UGT1A7: variants seen among roughly 807,000 people sequenced by gnomAD.
UGT1A7 encodes UDP glucuronosyltransferase family 1 member A7, also known as UDP-glucuronosyltransferase 1A7.
In UGT1A7, 33 loss-of-function variants were observed where a neutral mutation model predicts 45.6. The observed-to-expected ratio is 0.72, with a 90% CI of 0.55 to 0.97. The LOEUF (loss-of-function observed/expected upper bound fraction) is 0.97, where lower values mean the gene tolerates loss of function less well. UGT1A7 is among the 50% of genes least tolerant of loss of function. UGT1A7 has a pLI of 0.00. For missense variants in UGT1A7, 684 were observed against 666.2 expected (o/e 1.03, Z -0.29); for synonymous variants, 274 against 250.6 (o/e 1.09, Z -0.88).
At chr2:233,766,576 G>A (rs983735374) in intron 1 of UGT1A7, among the ~76,000 whole-genome samples, 1 of 152,162 alleles carries the variant, frequency 6.6e-6, no homozygotes, top group Non-Finnish European at 1.5e-5. Flanking sequence ...GCACAGGTCT[G>A]GGGGTGGAGC....
intron 1 of UGT1A7, among the ~76,000 whole-genome samples, chr2:233,705,007 G>A (rs2075816854): frequency 6.6e-6 from 1 of 152,012 alleles, no homozygotes; most frequent in South Asian, 2.1e-4. Flanking sequence ...ATGGTGGCAG[G>A]CGCCTGTAAT....
chr2:233,687,583 TAAAAAAAAAAAAAAA>T (rs71398794), intron 1 of UGT1A7, among the ~76,000 whole-genome samples: 8 of 107,454 alleles, frequency 7.4e-5, no homozygotes, highest in Non-Finnish European at 5.7e-5. Flanking sequence ...ACATTCTTTG[TAAAAAAAAAAAAAAA>T]AAAAAAAAAG....
At chr2:233,701,905 A>G (rs2075659250) in intron 1 of UGT1A7, among the ~76,000 whole-genome samples, 1 of 152,218 alleles carries the variant, frequency 6.6e-6, no homozygotes, top group Non-Finnish European at 1.5e-5. Flanking sequence ...AAGATCTAAA[A>G]TTGACACCCT....
intron 1 of UGT1A7, among the ~76,000 whole-genome samples, chr2:233,683,740 T>C (rs776869819): frequency 5.3e-5 from 8 of 152,254 alleles, no homozygotes; most frequent in Non-Finnish European, 1.0e-4. Flanking sequence ...CCCATTTCTC[T>C]TTTGAATTCA....
chr2:233,720,006 T>C (rs1403033451), intron 1 of UGT1A7, among the ~76,000 whole-genome samples: 1 of 152,190 alleles, frequency 6.6e-6, no homozygotes, highest in Non-Finnish European at 1.5e-5. Context: ...CATTCAGAAC[T>C]GATCCATCCT....
intron 1 of UGT1A7, chr2:233,712,960 T>C (rs759299238): frequency 6.2e-7 from 1 of 1,612,820 alleles, no homozygotes; most frequent in Non-Finnish European, 8.5e-7. Context: ...CAACGTGGGG[T>C]GGACAGTCAG....
At chr2:233,749,888 T>C (rs1316797004) in intron 1 of UGT1A7, among the ~76,000 whole-genome samples, 2 of 151,790 alleles carry the variant, frequency 1.3e-5, no homozygotes. Flanking sequence ...TTCCTGAGGC[T>C]CCCCCCTCCA....
intron 1 of UGT1A7, among the ~76,000 whole-genome samples, chr2:233,720,213 A>G (rs1171832820): frequency 6.6e-6 from 1 of 152,188 alleles, no homozygotes; most frequent in East Asian, 1.9e-4. Flanking sequence ...GGTGGGATGG[A>G]TGCATGTGAT....
At chr2:233,729,450 G>A (rs1394250627) in intron 1 of UGT1A7, 1 of 1,614,082 alleles carries the variant, frequency 6.2e-7, no homozygotes, top group Admixed American at 1.7e-5. Flanking sequence ...ATTTTCTGAA[G>A]AAATTTTTCA....
chr2:233,751,728 CCTCT>C (rs1694798514), intron 1 of UGT1A7, among the ~76,000 whole-genome samples: 2 of 152,164 alleles, frequency 1.3e-5, no homozygotes, highest in South Asian at 2.1e-4. Flanking sequence ...GTGAACTCTT[CCTCT>C]CTGTTTCTCT....
rs773957041 is a variant in UGT1A7 at position 233,772,325 on chromosome 2, C to G, written c.1359C>G (p.Asp453Glu). Residue 453 changes from aspartate to glutamate, a missense_variant, in exon 5 of 5, where the codon GAC becomes GAG. Coordinates refer to ENST00000373426, the MANE Select transcript of UGT1A7 (RefSeq NM_019077.3). ...AGGACCGCCCGGTGGAGCCGCTGGACCTGGCCGTGTTCTGGGTGGAGTTTG... is the reference window on the plus strand; with the variant it reads ...AGGACCGCCCGGTGGAGCCGCTGGAGCTGGCCGTGTTCTGGGTGGAGTTTG... ...LHKDRPVEPLDLAVFWVEFVM... is the reference protein window; with the variant it reads ...LHKDRPVEPLELAVFWVEFVM... The G allele has an allele frequency of 1.9e-6, 3 of 1,614,136 alleles. No individual in the cohort carries two copies. The highest frequency in any genetic ancestry group is 2.2e-5 in the South Asian group (2 of 91,076).
intron 1 of UGT1A7, among the ~76,000 whole-genome samples, chr2:233,695,593 CTTCTGGTAAT>C (rs1373970979): frequency 6.6e-6 from 1 of 151,798 alleles, no homozygotes; most frequent in Admixed American, 6.6e-5. Flanking sequence ...CCCTTTCCAC[CTTCTGGTAAT>C]TACCAATGAA....
intron 1 of UGT1A7, among the ~76,000 whole-genome samples, chr2:233,716,010 A>T (rs1320740182): frequency 6.6e-6 from 1 of 152,160 alleles, no homozygotes; most frequent in Non-Finnish European, 1.5e-5. Flanking sequence ...AATGACTTTA[A>T]TCTGATAGTT....
At chr2:233,692,035 G>C (rs555086706) in intron 1 of UGT1A7, 1 of 152,198 alleles carries the variant, frequency 6.6e-6, no homozygotes, top group Non-Finnish European at 1.5e-5. Flanking sequence ...AGTTGCCAGG[G>C]AACAAAACCC....
rs569317540 is a variant in UGT1A7 at position 233,719,363 on chromosome 2, C to G, written c.855+36571C>G. 2.5e-6 allele frequency: 4 copies of G among 1,613,942 alleles called. No individual in the cohort carries two copies. The African/African-American group carries it at 4.0e-5, about 16-fold the overall frequency. On this transcript the variant is annotated intron_variant, in intron 1 of 4. Transcript: ENST00000373426. ...GGAGGTACATTCCATGTGACTTAGA[C>G]TTTAAGGGCACACAGTGTCCAAATC...
rs1478087363 is a variant in UGT1A7 at position 233,769,799 on chromosome 2, G to A, written c.1295+1360G>A. 4.2e-6 allele frequency: 5 copies of A among 1,197,998 alleles called. No individual in the cohort carries two copies. Among genetic ancestry groups the A allele is most frequent in the Admixed American group, 5.9e-5 (2 of 34,170 alleles). 74.2% of individuals were successfully genotyped at this position (1,197,998 alleles called of 1,614,324 possible). A position where few individuals can be genotyped will look rare whatever the true frequency, so the allele number is the denominator to read the frequency against. ...GAGCCCAGAAGTTGGAGGCTGCTAT[G>A]AGCCGTGATCATGCCACTGCACTCC... On this transcript the variant is annotated intron_variant, in intron 4 of 4. Transcript: ENST00000373426. This position sits in a 1 kb window ranked among gnomAD's most constrained non-coding sequence, Gnocchi z 4.4.
intron 1 of UGT1A7, among the ~76,000 whole-genome samples, chr2:233,761,349 C>T (rs963345880): frequency 6.6e-6 from 1 of 152,178 alleles, no homozygotes; most frequent in African/African-American, 2.4e-5. Flanking sequence ...TCTGAGATTT[C>T]GGGAAAGCAT....
In UGT1A7 at chr2:233,713,110, A is replaced by C. The variant is rs151218104; in HGVS notation, c.855+30318A>C. On this transcript the variant is annotated intron_variant, in intron 1 of 4. Transcript: ENST00000373426. ...CTGGTGGTGCCCACTGATGGCAGCC[A>C]CTGGCTCAGCATGCGGGAGGCCTTG... 3.3e-5 allele frequency: 53 copies of C among 1,614,090 alleles called. No individual in the cohort carries two copies. In the African/African-American group the frequency reaches 3.6e-4, roughly 11 times the overall value.
At chr2:233,722,528 A>G (rs2077020073) in intron 1 of UGT1A7, among the ~76,000 whole-genome samples, 1 of 152,150 alleles carries the variant, frequency 6.6e-6, no homozygotes, top group African/African-American at 2.4e-5. Context: ...TTTTGCCTTA[A>G]TGATTTCATC....
Sources: allele counts gnomAD v4.1 joint callset (sites outside exome capture counted in the v4.1 genomes callset), GRCh38; gene constraint gnomAD v4.1.1; non-coding constraint Gnocchi (gnomAD v3.1); transcripts MANE v1.5; gene names NCBI Gene and HGNC (gene_info 2026-07-23, HGNC 2026-07-21).